The following PPP2R3A variants were observed in gnomAD, a reference collection of about 807,000 sequenced individuals.
PPP2R3A encodes protein phosphatase 2 regulatory subunit B''alpha.
PPP2R3A carries 80 observed loss-of-function variants against 106.9 expected under a neutral mutation model. That is an observed-to-expected ratio of 0.75 (90% CI 0.62 to 0.90). The LOEUF is 0.90. Among genes scored for constraint, PPP2R3A ranks in the 40% least tolerant of loss-of-function variants. The pLI is 0.00. For synonymous variants in PPP2R3A, 483 were observed against 468.3 expected (o/e 1.03, Z -0.41); for missense variants, 1,386 against 1,350.4 (o/e 1.03, Z -0.41).
intron 13 of PPP2R3A, among the ~76,000 whole-genome samples, chr3:136,116,701 A>G (rs1323779674): frequency 1.3e-5 from 2 of 152,218 alleles, no homozygotes; most frequent in African/African-American, 4.8e-5. Context: ...ACTGTCGTAA[A>G]TATATATGCA....
intron 13 of PPP2R3A, among the ~76,000 whole-genome samples, chr3:136,127,033 G>C (rs1437678878): frequency 6.6e-6 from 1 of 152,144 alleles, no homozygotes; most frequent in Non-Finnish European, 1.5e-5. Context: ...AAGACCAAAG[G>C]TAGATAAAAC....
chr3:136,040,886 G>A lies in PPP2R3A; in HGVS notation c.2290G>A (p.Ala764Thr). 1 of 1,613,282 alleles carries A rather than the reference G, an allele frequency of 6.2e-7. No individual in the cohort carries two copies. Among genetic ancestry groups the A allele is most frequent in the Non-Finnish European group, 8.5e-7 (1 of 1,179,684 alleles). Residue 764 changes from alanine to threonine, a missense_variant, in exon 4 of 14, where the codon GCC becomes ACC. By Grantham distance (58) the Ala-to-Thr change is moderately conservative. Transcript: ENST00000264977. ...KVCGCPLYWK[A>T]PMFRAAGGEK... ...CTGTGGCTGTCCTCTCTATTGGAAAGCCCCCATGTTCAGGGCTGCAGGGGG... is the reference window on the plus strand; with the variant it reads ...CTGTGGCTGTCCTCTCTATTGGAAAACCCCCATGTTCAGGGCTGCAGGGGG...
chr3:136,135,479 T>G (rs991856210), intron 13 of PPP2R3A, among the ~76,000 whole-genome samples: 1 of 152,094 alleles, frequency 6.6e-6, no homozygotes, highest in South Asian at 2.1e-4. Context: ...ATCACAGATA[T>G]GTCAGGGAGA....
At chr3:136,135,374 C>G (rs1271995844) in intron 13 of PPP2R3A, among the ~76,000 whole-genome samples, 2 of 152,096 alleles carry the variant, frequency 1.3e-5, no homozygotes, top group African/African-American at 4.8e-5. Context: ...GGAAAAAGCC[C>G]GTTTACAGGA....
intron 1 of PPP2R3A, among the ~76,000 whole-genome samples, chr3:135,976,852 G>A (rs562147653): frequency 3.9e-5 from 6 of 151,996 alleles, no homozygotes; most frequent in Non-Finnish European, 7.4e-5. Context: ...TTATTTTTGT[G>A]AATAGTGTGA....
chr3:136,062,674 T>G (rs1426273925), intron 5 of PPP2R3A, among the ~76,000 whole-genome samples: 3 of 145,626 alleles, frequency 2.1e-5, no homozygotes, highest in East Asian at 2.0e-4. Flanking sequence ...GCCAAGATCA[T>G]GCCACTGCAC....
Position 136,001,272 on chromosome 3 carries a change from A to G in PPP2R3A, c.-227A>G, listed in dbSNP as rs1024693383. On this transcript the variant is annotated 5_prime_UTR_variant, in exon 2 of 14. Transcript: ENST00000264977. ...TTACTAAATAAAATTAAAAAGCACA[A>G]TTATTAAATTATTAAATTTGCCACA... 1.1e-5 allele frequency: 5 copies of G among 472,358 alleles called. No individual in the cohort carries two copies. In the South Asian group the frequency reaches 2.2e-4, roughly 20 times the overall value. 29.3% of individuals were successfully genotyped at this position (472,358 alleles called of 1,614,324 possible).
chr3:136,097,155 C>T (rs1401505145), intron 10 of PPP2R3A, among the ~76,000 whole-genome samples: 5 of 149,340 alleles, frequency 3.3e-5, no homozygotes, highest in African/African-American at 7.4e-5. Context: ...AATAAATAGT[C>T]AATACTTTTA....
At chr3:136,144,997 C>G in intron 13 of PPP2R3A, 46 bp from the exon 14 acceptor site, 1 of 1,586,354 alleles carries the variant, frequency 6.3e-7, no homozygotes, top group Non-Finnish European at 8.6e-7. Flanking sequence ...TCTACCCAAA[C>G]TTTAATCAAT....
intron 13 of PPP2R3A, among the ~76,000 whole-genome samples, chr3:136,118,498 C>T (rs1395143020): frequency 6.6e-6 from 1 of 152,190 alleles, no homozygotes; most frequent in Non-Finnish European, 1.5e-5. Context: ...AGCCCAAAAT[C>T]TCCTTAAGCT....
intron 1 of PPP2R3A, among the ~76,000 whole-genome samples, chr3:135,987,625 C>A (rs573126962): frequency 1.1e-4 from 17 of 152,216 alleles, no homozygotes; most frequent in African/African-American, 3.1e-4. Flanking sequence ...GCCTCACTTA[C>A]AATATTTGCA....
chr3:136,002,930 G>T lies in PPP2R3A; in HGVS notation c.1432G>T (p.Val478Phe). 6.2e-7 allele frequency: 1 copy of T among 1,611,728 alleles called. No individual in the cohort carries two copies. Among genetic ancestry groups the T allele is most frequent in the East Asian group, 2.2e-5 (1 of 44,862 alleles). ...EIGKIFEKSF[V>F]NLPKEDCKSK... is the part of the protein sequence containing the mutation. The stretch of plus-strand genomic sequence containing the variant: ...TGGTAAGATATTTGAGAAATCATTT[G>T]TTAATCTACCTAAGGAAGACTGTAA... Residue 478 changes from valine to phenylalanine, a missense_variant, in exon 2 of 14, where the codon GTT becomes TTT. Physicochemically the swap from Val to Phe is conservative, Grantham distance 50. Coordinates refer to ENST00000264977, the MANE Select transcript of PPP2R3A (RefSeq NM_002718.5).
chr3:136,137,950 G>C (rs553457683), intron 13 of PPP2R3A, among the ~76,000 whole-genome samples: 22 of 152,284 alleles, frequency 1.4e-4, no homozygotes, highest in African/African-American at 5.3e-4. Flanking sequence ...TGTAACTAGT[G>C]AGAAGTATGA....
At chr3:136,006,106 A>T (rs937669412) in intron 2 of PPP2R3A, among the ~76,000 whole-genome samples, 12 of 152,220 alleles carry the variant, frequency 7.9e-5, no homozygotes, top group African/African-American at 2.9e-4. Flanking sequence ...AAAATGCCAC[A>T]CTGGGCTCTA....
chr3:135,967,804 C>T lies in PPP2R3A; in HGVS notation c.-441+1955C>T, dbSNP rs1166984504. On this transcript the variant is annotated intron_variant, in intron 1 of 13. Coordinates refer to ENST00000264977, the MANE Select transcript of PPP2R3A (RefSeq NM_002718.5). ...TGACAGCTCTTTTGAGTGTTATCGT[C>T]CTCTGAGTCAGAGTTTCTCATTTGT... 2.6e-5 allele frequency among the ~76,000 whole-genome samples: 4 copies of T among 152,190 alleles called. No homozygotes were observed. The East Asian group carries it at 7.7e-4, about 29-fold the overall frequency.
chr3:136,040,550 A>G (rs1935229153), intron 3 of PPP2R3A, among the ~76,000 whole-genome samples: 1 of 152,166 alleles, frequency 6.6e-6, no homozygotes, highest in Non-Finnish European at 1.5e-5. Context: ...AAAAAAGAAG[A>G]AAGTGGTGGG....
At chr3:136,095,702 G>A (rs963413207) in intron 10 of PPP2R3A, among the ~76,000 whole-genome samples, 2 of 152,026 alleles carry the variant, frequency 1.3e-5, no homozygotes, top group Non-Finnish European at 2.9e-5. Context: ...TCAAAATTAG[G>A]CCAATTATAT....
chr3:136,018,052 A>C (rs1384201333), intron 2 of PPP2R3A, among the ~76,000 whole-genome samples: 2 of 152,214 alleles, frequency 1.3e-5, no homozygotes, highest in African/African-American at 2.4e-5. Flanking sequence ...AGATTGCTTG[A>C]GCCCAGGAGT....
intron 6 of PPP2R3A, among the ~76,000 whole-genome samples, chr3:136,071,885 A>T (rs1936440278): frequency 6.6e-6 from 1 of 151,938 alleles, no homozygotes; most frequent in Non-Finnish European, 1.5e-5. Flanking sequence ...CTTTGCTTGG[A>T]ATGTTCTTCC....
Sources: gnomAD v4.1 joint callset for allele counts (sites outside exome capture counted in the v4.1 genomes callset) on GRCh38, gnomAD v4.1.1 for gene constraint, MANE v1.5 for transcripts, NCBI Gene and HGNC (gene_info 2026-07-23, HGNC 2026-07-21) for gene names.